Variants in PTPRD observed in about 807,000 individuals in gnomAD.
PTPRD encodes protein tyrosine phosphatase receptor type D, also known as receptor-type tyrosine-protein phosphatase delta.
A neutral mutation model predicts 214.5 loss-of-function variants in PTPRD; 34 were observed. The observed-to-expected ratio is 0.16, with a 90% CI of 0.12 to 0.21. The LOEUF (loss-of-function observed/expected upper bound fraction) is 0.21, where lower values mean the gene tolerates loss of function less well. Among genes scored for constraint, PTPRD ranks in the 10% least tolerant of loss-of-function variants. The probability of loss-of-function intolerance (pLI) is 1.00; values close to 1 mark genes in which losing one functional copy is unlikely to be tolerated. For synonymous variants in PTPRD, 1,128 were observed against 845.7 expected (o/e 1.33, Z -5.79); for missense variants, 2,545 against 2,398.7 (o/e 1.06, Z -1.27).
At chr9:9,645,790 TTCTC>T (rs1344454545) in intron 7 of PTPRD, among the ~76,000 whole-genome samples, 1 of 152,150 alleles carries the variant, frequency 6.6e-6, no homozygotes, top group African/African-American at 2.4e-5. Flanking sequence ...ATCTTTATCT[TTCTC>T]CTGAATAATT....
At chr9:9,689,266 T>A (rs972448424) in intron 7 of PTPRD, among the ~76,000 whole-genome samples, 26 of 151,786 alleles carry the variant, frequency 1.7e-4, no homozygotes, top group Non-Finnish European at 2.9e-4. Flanking sequence ...GTAGACTGAG[T>A]GAAATATGGT....
chr9:10,399,033 G>T (rs904582671), intron 2 of PTPRD, among the ~76,000 whole-genome samples: 1 of 151,984 alleles, frequency 6.6e-6, no homozygotes, highest in East Asian at 1.9e-4. Flanking sequence ...TTTCTCTTCT[G>T]TAGGGTCTCA....
At chr9:9,066,927 G>C (rs1301291459) in intron 10 of PTPRD, among the ~76,000 whole-genome samples, 3 of 152,166 alleles carry the variant, frequency 2.0e-5, no homozygotes, top group Admixed American at 6.5e-5. Context: ...TTCATCAAAA[G>C]GATTATGTGG....
At chr9:10,107,360 G>A (rs1353053702) in intron 3 of PTPRD, among the ~76,000 whole-genome samples, 1 of 151,938 alleles carries the variant, frequency 6.6e-6, no homozygotes, top group Non-Finnish European at 1.5e-5. Context: ...ATCAGGGTAT[G>A]GAATATCTTA....
At chr9:8,544,834 T>C in intron 14 of PTPRD, among the ~76,000 whole-genome samples, 1 of 151,840 alleles carries the variant, frequency 6.6e-6, no homozygotes, top group Non-Finnish European at 1.5e-5. Flanking sequence ...AGTTGCATGA[T>C]TTCTCACAGA....
intron 11 of PTPRD, among the ~76,000 whole-genome samples, chr9:8,917,294 AT>A (rs5896279): frequency 0.78 from 109,368 of 140,318 alleles, 42,452 homozygotes; most frequent in South Asian, 0.86. Flanking sequence ...AGCCCAGCTA[AT>A]TTTTTTTTTT....
intron 7 of PTPRD, among the ~76,000 whole-genome samples, chr9:9,714,952 G>A (rs1441030413): frequency 6.6e-6 from 1 of 152,162 alleles, no homozygotes; most frequent in Non-Finnish European, 1.5e-5. Context: ...GTTTTTTATT[G>A]TTGGCTTATG....
intron 7 of PTPRD, among the ~76,000 whole-genome samples, chr9:9,645,479 A>ATT (rs1554767214): frequency 5.6e-5 from 8 of 141,896 alleles, no homozygotes; most frequent in South Asian, 2.2e-4. Context: ...ATATATATAT[A>ATT]TTTTCTATTT....
At chr9:9,509,956 G>C (rs1248917554) in intron 8 of PTPRD, among the ~76,000 whole-genome samples, 1 of 151,568 alleles carries the variant, frequency 6.6e-6, no homozygotes, top group Non-Finnish European at 1.5e-5. Flanking sequence ...CTGGCTGCCT[G>C]ATAGTCCCTA....
intron 9 of PTPRD, among the ~76,000 whole-genome samples, chr9:9,325,787 G>A (rs1263420594): frequency 2.6e-5 from 4 of 152,198 alleles, no homozygotes; most frequent in Non-Finnish European, 4.4e-5. Flanking sequence ...CAAAGGGAAT[G>A]CTTCCAGTTT....
intron 2 of PTPRD, among the ~76,000 whole-genome samples, chr9:10,518,540 T>C (rs1166478678): frequency 6.6e-6 from 1 of 152,070 alleles, no homozygotes; most frequent in Non-Finnish European, 1.5e-5. Flanking sequence ...TTACAATTTT[T>C]TTTTTTTTTT....
intron 11 of PTPRD, among the ~76,000 whole-genome samples, chr9:8,825,064 T>A (rs1233074885): frequency 2.6e-5 from 4 of 152,188 alleles, no homozygotes; most frequent in Non-Finnish European, 4.4e-5. Flanking sequence ...ATAAGACTTT[T>A]TTAAAGCTGA....
At chr9:9,960,143 G>A (rs1239149705) in intron 4 of PTPRD, among the ~76,000 whole-genome samples, 1 of 150,428 alleles carries the variant, frequency 6.6e-6, no homozygotes, top group African/African-American at 2.5e-5. Context: ...GGAACAACCA[G>A]TAGTGGCAGA....
At chr9:9,628,785 C>T (rs2095498923) in intron 7 of PTPRD, among the ~76,000 whole-genome samples, 1 of 151,774 alleles carries the variant, frequency 6.6e-6, no homozygotes, top group Non-Finnish European at 1.5e-5. Context: ...AATTTCTATA[C>T]ATTTTTATAG....
At chr9:9,402,978 AAAAAAAAAAAACACC>A (rs1178717968) in intron 8 of PTPRD, among the ~76,000 whole-genome samples, 4 of 144,622 alleles carry the variant, frequency 2.8e-5, no homozygotes, top group African/African-American at 8.0e-5. Flanking sequence ...AAAAAAAAAA[AAAAAAAAAAAACACC>A]AAAAAAAAAT....
intron 3 of PTPRD, among the ~76,000 whole-genome samples, chr9:10,167,667 T>C (rs1564273086): frequency 1.3e-5 from 2 of 152,214 alleles, no homozygotes; most frequent in South Asian, 2.1e-4. Context: ...ATTCTTAGCA[T>C]ACTTCCAAAG....
intron 7 of PTPRD, among the ~76,000 whole-genome samples, chr9:9,669,907 TCAA>T (rs1209638132): frequency 6.6e-6 from 1 of 152,138 alleles, no homozygotes; most frequent in Non-Finnish European, 1.5e-5. Context: ...CCCAATGACA[TCAA>T]CGACTGTAAA....
chr9:8,775,911 A>G (rs1212400581), intron 11 of PTPRD, among the ~76,000 whole-genome samples: 1 of 152,214 alleles, frequency 6.6e-6, no homozygotes, highest in Admixed American at 6.5e-5. Flanking sequence ...TACTATTCAC[A>G]TGAACAGCTT....
chr9:8,734,076 G>A, intron 11 of PTPRD, 130 bp from the exon 12 acceptor site: 1 of 562,058 alleles, frequency 1.8e-6, no homozygotes, highest in Non-Finnish European at 3.2e-6. Flanking sequence ...ACAATAAATT[G>A]TAACTGTCAT....
Sources: gnomAD v4.1 joint callset for allele counts (sites outside exome capture counted in the v4.1 genomes callset) on GRCh38, gnomAD v4.1.1 for gene constraint, MANE v1.5 for transcripts, NCBI Gene and HGNC (gene_info 2026-07-23, HGNC 2026-07-21) for gene names.